PDZD2: variants seen among roughly 807,000 people sequenced by gnomAD.
PDZD2 encodes PDZ domain containing 2, also known as PDZ domain-containing protein 2.
In PDZD2, 90 loss-of-function variants were observed where a neutral mutation model predicts 220.7. The ratio of observed to expected loss-of-function variants is 0.41; its 90% CI spans 0.34 to 0.49. The LOEUF (loss-of-function observed/expected upper bound fraction) is 0.49. Ranked by LOEUF, PDZD2 falls within the 20% of genes least tolerant of loss-of-function variation. PDZD2 has a pLI of 0.28. For missense variants in PDZD2, 3,174 were observed against 3,608.5 expected (o/e 0.88, Z 3.08); for synonymous variants, 1,375 against 1,450.5 (o/e 0.95, Z 1.18).
intron 2 of PDZD2, among the ~76,000 whole-genome samples, chr5:31,966,389 A>C (rs1235477704): frequency 6.6e-6 from 1 of 152,198 alleles, no homozygotes; most frequent in African/African-American, 2.4e-5. Context: ...CATTTTCAAC[A>C]TTTGTGTTTG....
At chr5:31,930,194 T>G (rs1745135044) in intron 2 of PDZD2, among the ~76,000 whole-genome samples, 1 of 105,840 alleles carries the variant, frequency 9.4e-6, no homozygotes, top group African/African-American at 3.8e-5. Context: ...GTCTCAGGTA[T>G]TCTTTTTTTT....
At chr5:32,052,861 A>T (rs1738707797) in intron 9 of PDZD2, 131 bp downstream of exon 9, 9 of 900,778 alleles carry the variant, frequency 1.0e-5, no homozygotes, top group Non-Finnish European at 8.6e-6. Flanking sequence ...CCCAGGCCGG[A>T]GTGCAGTGGT....
intron 10 of PDZD2, among the ~76,000 whole-genome samples, chr5:32,055,858 T>TA (rs1739039356): frequency 6.6e-6 from 1 of 152,220 alleles, no homozygotes; most frequent in Non-Finnish European, 1.5e-5. Context: ...TAGAACAATA[T>TA]AAAATTCTAA....
At chr5:32,101,714 C>T (rs919209839) in intron 24 of PDZD2, among the ~76,000 whole-genome samples, 1 of 152,136 alleles carries the variant, frequency 6.6e-6, no homozygotes, top group Non-Finnish European at 1.5e-5. Context: ...GAAAGGAATA[C>T]AGTCCAAGCA....
At chr5:31,729,297 A>C (rs1320635541) in intron 1 of PDZD2, among the ~76,000 whole-genome samples, 5 of 151,554 alleles carry the variant, frequency 3.3e-5, no homozygotes. Flanking sequence ...GGGTTTCACC[A>C]TGTTGGTTAG....
intron 2 of PDZD2, among the ~76,000 whole-genome samples, chr5:31,839,112 A>G (rs1757117895): frequency 1.3e-5 from 2 of 152,170 alleles, no homozygotes; most frequent in African/African-American, 2.4e-5. Flanking sequence ...CTGCAGAAAG[A>G]CAGGAAAAGG....
chr5:32,037,935 G>A (rs1029088759), intron 7 of PDZD2, among the ~76,000 whole-genome samples: 7 of 151,122 alleles, frequency 4.6e-5, no homozygotes, highest in East Asian at 3.9e-4. Flanking sequence ...TCCGCCTCCC[G>A]GGTTCAAGCA....
At position 31,799,397 on chromosome 5, in the gene PDZD2, T is replaced by G; in HGVS notation, c.149T>G (p.Phe50Cys). 1 of 1,614,196 alleles carries G rather than the reference T, an allele frequency of 6.2e-7. No individual in the cohort carries two copies. Among genetic ancestry groups the G allele is most frequent in the Non-Finnish European group, 8.5e-7 (1 of 1,180,038 alleles). The change falls in exon 2 of 25, where the codon TTT becomes TGT. Residue 50 changes from phenylalanine (F) to cysteine (C), a missense_variant. Phe to Cys is a radical substitution (Grantham distance 205). This residue lies in a region of PDZD2 where 632 missense variants were observed against 708.1 expected (regional missense o/e 0.89). Coordinates refer to ENST00000438447, the MANE Select transcript of PDZD2 (RefSeq NM_178140.4). ...CTGCAGGAGTACATCCAGCTGAACT[T>G]TGCTGTGGATGAGAGTACGGTCCCA... ...QKLQEYIQLN[F>C]AVDESTVPPD...
In PDZD2 at chr5:32,109,527, A is replaced by AAAT. The variant is rs377653474; in HGVS notation, c.*1396_*1398dup. 6.6e-6 allele frequency: 1 copy of AAAT among 152,146 alleles called. No individual in the cohort carries two copies. Among genetic ancestry groups the AAAT allele is most frequent in the Non-Finnish European group, 1.5e-5 (1 of 68,024 alleles). The allele number at this position is 152,146 out of a possible 1,614,324, so 9.4% of individuals were successfully genotyped here. A position where few individuals can be genotyped will look rare whatever the true frequency, so the allele number is the denominator to read the frequency against. ...CATGATGTACCTTATTTTCTTAGGTAAATAATTCCAAACTCTCATCGGGTC... is the reference window on the plus strand; with the variant it reads ...CATGATGTACCTTATTTTCTTAGGTAAATAATAATTCCAAACTCTCATCGGGTC... On this transcript the variant is annotated 3_prime_UTR_variant, in exon 25 of 25. Transcript: ENST00000438447.
At chr5:32,069,437 G>T in intron 14 of PDZD2, 132 bp from the exon 15 acceptor site, 2 of 635,340 alleles carry the variant, frequency 3.1e-6, no homozygotes, top group East Asian at 5.5e-5. Context: ...CAGCTTCGGA[G>T]GATGGTCATA....
chr5:31,999,666 C>T (rs1751944257), intron 4 of PDZD2, among the ~76,000 whole-genome samples: 1 of 152,164 alleles, frequency 6.6e-6, no homozygotes, highest in Non-Finnish European at 1.5e-5. Flanking sequence ...GACATCTGGT[C>T]AGGGTCACAT....
At chr5:31,958,818 T>C (rs1201188947) in intron 2 of PDZD2, among the ~76,000 whole-genome samples, 1 of 152,064 alleles carries the variant, frequency 6.6e-6, no homozygotes, top group East Asian at 1.9e-4. Context: ...GTATAGATGG[T>C]GATCTCATTT....
In PDZD2 at chr5:31,799,314, C is replaced by G. The variant is rs1237759277; in HGVS notation, c.66C>G (p.Ser22Arg). 6.2e-7 allele frequency: 1 copy of G among 1,614,064 alleles called. No homozygotes were observed. The highest frequency in any genetic ancestry group is 1.1e-5 in the South Asian group (1 of 91,070). The change falls in exon 2 of 25, where the codon AGC becomes AGG. Residue 22 changes from serine (S) to arginine (R), a missense_variant. Transcript: ENST00000438447. ...TCCTCTACCAGTGGCTGCAGAACAG[C>G]CTGCAGGAAGGTGGGGATGGGCCGG... ...LPLLYQWLQN[S>R]LQEGGDGPEQ...
intron 1 of PDZD2, among the ~76,000 whole-genome samples, chr5:31,666,797 G>A (rs16901401): frequency 0.13 from 19,811 of 152,156 alleles, 1,976 homozygotes; most frequent in African/African-American, 0.26. Context: ...TATGGGGTCC[G>A]TCTTTAAGAT....
intron 7 of PDZD2, among the ~76,000 whole-genome samples, chr5:32,040,630 G>A (rs530027983): frequency 5.0e-4 from 70 of 140,882 alleles, no homozygotes; most frequent in Admixed American, 1.2e-3. Context: ...CGGCCGCCCC[G>A]TCTGGGAGGA....
At position 31,983,412 on chromosome 5, in the gene PDZD2, A is replaced by AC; in HGVS notation, c.738dup (p.Ser247GlnfsTer3). On this transcript the variant is annotated frameshift_variant, in exon 3 of 25. Coordinates refer to ENST00000438447, the MANE Select transcript of PDZD2 (RefSeq NM_178140.4). LOFTEE classifies it high-confidence loss of function. Reference sequence around the variant, plus strand: ...AGCGCTGGCTGTGAGGTGTCCAGTGACCCCAGCACTGAGCTGGAGAACGGC... The same window carrying AC: ...AGCGCTGGCTGTGAGGTGTCCAGTGACCCCCAGCACTGAGCTGGAGAACGGC... 1 of 1,614,096 alleles carries AC rather than the reference A, an allele frequency of 6.2e-7. No individual in the cohort carries two copies. Among genetic ancestry groups the AC allele is most frequent in the Non-Finnish European group, 8.5e-7 (1 of 1,180,008 alleles).
chr5:31,729,202 CAG>C (rs1749365190), intron 1 of PDZD2, among the ~76,000 whole-genome samples: 1 of 144,602 alleles, frequency 6.9e-6, no homozygotes. Context: ...CTCCTGGATT[CAG>C]GCAGTTCTTA....
chr5:32,097,600 A>G (rs1743844778), intron 22 of PDZD2, among the ~76,000 whole-genome samples: 1 of 152,228 alleles, frequency 6.6e-6, no homozygotes, highest in Non-Finnish European at 1.5e-5. Context: ...GCCATTTCCA[A>G]TCCCTATAAA....
intron 1 of PDZD2, among the ~76,000 whole-genome samples, chr5:31,686,087 C>G (rs1746846762): frequency 6.8e-6 from 1 of 148,062 alleles, no homozygotes; most frequent in South Asian, 2.2e-4. Flanking sequence ...CTACCCTACC[C>G]TACTACCCAG....
Sources: allele counts gnomAD v4.1 joint callset (sites outside exome capture counted in the v4.1 genomes callset), GRCh38; gene constraint gnomAD v4.1.1; regional missense constraint gnomAD v4.1.1; transcripts MANE v1.5; gene names NCBI Gene and HGNC (gene_info 2026-07-23, HGNC 2026-07-21).